The following TMPRSS11D variants were observed in gnomAD, a reference collection of about 807,000 sequenced individuals.
TMPRSS11D encodes the protein transmembrane protease serine 11D.
In TMPRSS11D, 32 loss-of-function variants were observed where a neutral mutation model predicts 44.4. That is an observed-to-expected ratio of 0.72 (90% confidence interval 0.54 to 0.97). TMPRSS11D has a LOEUF of 0.97. Among genes scored for constraint, TMPRSS11D ranks in the 50% least tolerant of loss-of-function variants. The pLI is 0.00. For missense variants in TMPRSS11D, 446 were observed against 502.6 expected, an observed-to-expected ratio of 0.89 and a Z score of 1.08; for synonymous variants, 179 against 177.9, an observed-to-expected ratio of 1.01 and a Z score of -0.05.
intron 1 of TMPRSS11D, among the ~76,000 whole-genome samples, chr4:67,877,740 A>G (rs1213918689): frequency 6.6e-6 from 1 of 152,204 alleles, no homozygotes; most frequent in East Asian, 1.9e-4. Context: ...CATCCAGTTG[A>G]ATGTCAAATC....
chr4:67,823,735 T>A (rs567384194), intron 9 of TMPRSS11D, among the ~76,000 whole-genome samples: 1 of 152,290 alleles, frequency 6.6e-6, no homozygotes, highest in African/African-American at 2.4e-5. Context: ...AAGTACTTCA[T>A]GAAGCTGGTC....
chr4:67,822,392 A>C lies in TMPRSS11D; in HGVS notation c.1202T>G (p.Val401Gly). 6.2e-7 allele frequency: 1 copy of C among 1,613,526 alleles called. No individual in the cohort carries two copies. The highest frequency in any genetic ancestry group is 8.5e-7 in the Non-Finnish European group (1 of 1,179,788). Reference protein sequence around the residue: ...DQCGLPDKPGVYTRVTAYLDW... With the variant: ...DQCGLPDKPGGYTRVTAYLDW... ...AAGGTAGGCTGTCACTCGAGTATAC[A>C]CTCCTGGCTTATCCGGCAGGCCACA... Residue 401 changes from valine (V) to glycine (G), a missense_variant, in exon 10 of 10, where the codon GTG becomes GGG. Val to Gly is a moderately radical substitution (Grantham distance 109, BLOSUM62 -3). Coordinates refer to ENST00000283916, the MANE Select transcript of TMPRSS11D (RefSeq NM_004262.3).
In TMPRSS11D at chr4:67,855,038, C is replaced by A. The variant is rs577327312; in HGVS notation, c.131-852G>T. Among the ~76,000 whole-genome samples, 20 of 152,054 alleles carry A rather than the reference C, an allele frequency of 1.3e-4. No individual in the cohort carries two copies. The East Asian group carries it at 3.3e-3, about 25-fold the overall frequency. On this transcript the variant is annotated intron_variant, in intron 2 of 9. Transcript: ENST00000283916. ...TTGGGAGGCCAAGGTGGGTGGATCA[C>A]GAGGTCCGGAGTTCGAGACCAACCT...
intron 1 of TMPRSS11D, among the ~76,000 whole-genome samples, chr4:67,860,999 A>C (rs562772049): frequency 8.0e-4 from 122 of 152,264 alleles, no homozygotes; most frequent in African/African-American, 2.8e-3. Flanking sequence ...GCAGACATAG[A>C]CTTGCCAATT....
chr4:67,873,439 T>C (rs1719108249), intron 1 of TMPRSS11D, among the ~76,000 whole-genome samples: 2 of 152,206 alleles, frequency 1.3e-5, no homozygotes, highest in Non-Finnish European at 2.9e-5. Flanking sequence ...TCTGGGAATC[T>C]GGGAAACTAA....
At chr4:67,877,940 A>G (rs1394647305) in intron 1 of TMPRSS11D, among the ~76,000 whole-genome samples, 1 of 152,204 alleles carries the variant, frequency 6.6e-6, no homozygotes, top group African/African-American at 2.4e-5. Flanking sequence ...AAAAACCATC[A>G]TGGCACATGT....
chr4:67,842,453 A>G, intron 4 of TMPRSS11D, 105 bp downstream of exon 4: 1 of 1,060,086 alleles, frequency 9.4e-7, no homozygotes, highest in South Asian at 1.4e-5. Context: ...TCATAATATT[A>G]CAACAACTTA....
chr4:67,838,240 T>C lies in TMPRSS11D; in HGVS notation c.407A>G (p.Glu136Gly). 1 of 1,601,596 alleles carries C rather than the reference T, an allele frequency of 6.2e-7. No homozygotes were observed. Among genetic ancestry groups the C allele is most frequent in the Non-Finnish European group, 8.5e-7 (1 of 1,174,988 alleles). Residue 136 changes from glutamate to glycine, a missense_variant, in exon 5 of 10, where the codon GAG becomes GGG. Physicochemically the swap from Glu to Gly is moderately conservative, Grantham distance 98 (BLOSUM62 -2). Transcript: ENST00000283916. The part of the protein sequence containing the change: ...NNGASMKSRI[E>G]SVLRQMLNNS... ...ATTCAGCATTTGTCGTAAAACAGAC[T>C]CAATTCTGCTTTTCATTGATGCTCC...
intron 9 of TMPRSS11D, among the ~76,000 whole-genome samples, chr4:67,823,041 T>A (rs1717690776): frequency 6.6e-6 from 1 of 152,212 alleles, no homozygotes; most frequent in African/African-American, 2.4e-5. Context: ...GTGATATTTA[T>A]TCAATGTCTG....
At chr4:67,827,057 G>T (rs1717810557) in intron 8 of TMPRSS11D, among the ~76,000 whole-genome samples, 1 of 152,004 alleles carries the variant, frequency 6.6e-6, no homozygotes. Flanking sequence ...TACTATATTT[G>T]AGAATTCCCA....
chr4:67,876,020 T>C (rs969370067), intron 1 of TMPRSS11D, among the ~76,000 whole-genome samples: 10 of 152,224 alleles, frequency 6.6e-5, no homozygotes, highest in African/African-American at 2.4e-4. Context: ...AAAAAAGAGA[T>C]TTCTTTCTGT....
In TMPRSS11D at chr4:67,874,819, T is replaced by C. The variant is rs1719144607; in HGVS notation, c.8+9107A>G. ...CAGCAACTAGTTGAGGGTCATTTAG[T>C]AGAGAGGAGTGGATACTGGAATCAG... On this transcript the variant is annotated intron_variant, in intron 1 of 9. Transcript: ENST00000283916. Among the ~76,000 whole-genome samples the C allele has an allele frequency of 2.0e-5, 3 of 152,072 alleles. No individual in the cohort carries two copies. In the South Asian group the frequency reaches 6.2e-4, roughly 32 times the overall value.
At chr4:67,879,299 G>A (rs183186696) in intron 1 of TMPRSS11D, among the ~76,000 whole-genome samples, 59 of 151,846 alleles carry the variant, frequency 3.9e-4, no homozygotes, top group African/African-American at 1.4e-3. Context: ...GGCTAACACA[G>A]TGAAACCCCA....
At chr4:67,876,364 TTCTA>T (rs1339688433) in intron 1 of TMPRSS11D, among the ~76,000 whole-genome samples, 1 of 152,078 alleles carries the variant, frequency 6.6e-6, no homozygotes, top group Non-Finnish European at 1.5e-5. Flanking sequence ...TTGGTAGTCT[TTCTA>T]TATGTAGAAC....
At chr4:67,836,533 TTAAAAAGCTGGCCA>T (rs1478054204) in intron 5 of TMPRSS11D, among the ~76,000 whole-genome samples, 1 of 152,170 alleles carries the variant, frequency 6.6e-6, no homozygotes, top group Non-Finnish European at 1.5e-5. Flanking sequence ...ACAGAAAATT[TTAAAAAGCTGGCCA>T]TTCTTAATTT....
intron 1 of TMPRSS11D, among the ~76,000 whole-genome samples, chr4:67,866,246 C>T (rs1337209095): frequency 6.6e-6 from 1 of 151,806 alleles, no homozygotes; most frequent in Admixed American, 6.6e-5. Flanking sequence ...AAAACAAAAC[C>T]ATATGATCAT....
At chr4:67,850,083 T>C (rs979021091) in intron 3 of TMPRSS11D, among the ~76,000 whole-genome samples, 1 of 152,148 alleles carries the variant, frequency 6.6e-6, no homozygotes, top group Non-Finnish European at 1.5e-5. Flanking sequence ...ATACTAAATA[T>C]ATTGTCAAGC....
At chr4:67,832,053 G>A (rs1717958784) in intron 7 of TMPRSS11D, among the ~76,000 whole-genome samples, 1 of 152,036 alleles carries the variant, frequency 6.6e-6, no homozygotes, top group Non-Finnish European at 1.5e-5. Flanking sequence ...TAGAGATGTG[G>A]TAAATATATT....
At position 67,822,465 on chromosome 4, in the gene TMPRSS11D, A is replaced by C; in HGVS notation, c.1129T>G (p.Ser377Ala). 1.2e-6 allele frequency: 2 copies of C among 1,613,936 alleles called. No homozygotes were observed. The highest frequency in any genetic ancestry group is 1.7e-6 in the Non-Finnish European group (2 of 1,179,876). ...DSGGPLVQED[S>A]RRLWFIVGIV... ...CCCACAATAAACCAAAGCCGCCGTG[A>C]GTCTTCTTGTACTAGTGGGCCACCA... The change falls in exon 10 of 10, where the codon TCA becomes GCA. Residue 377 changes from serine to alanine, a missense_variant. Physicochemically the swap from Ser to Ala is moderately conservative, Grantham distance 99. Coordinates refer to ENST00000283916, the MANE Select transcript of TMPRSS11D (RefSeq NM_004262.3).
Sources: allele counts gnomAD v4.1 joint callset (sites outside exome capture counted in the v4.1 genomes callset), GRCh38; gene constraint gnomAD v4.1.1; transcripts MANE v1.5; gene names NCBI Gene and HGNC (gene_info 2026-07-23, HGNC 2026-07-21).